SUCLG2: variants seen among roughly 807,000 people sequenced by gnomAD.
SUCLG2 encodes succinate-CoA ligase GDP-forming subunit beta, also known as succinate--CoA ligase [GDP-forming] subunit beta, mitochondrial.
A neutral mutation model predicts 47.9 loss-of-function variants in SUCLG2; 42 were observed. The observed-to-expected ratio is 0.88, with a 90% CI of 0.69 to 1.14. The LOEUF (loss-of-function observed/expected upper bound fraction) is 1.14. SUCLG2 is among the 50% of genes most tolerant of loss of function. SUCLG2 has a pLI of 0.00. For synonymous variants in SUCLG2, 195 were observed against 197.3 expected (o/e 0.99, Z 0.10); for missense variants, 571 against 525.9 (o/e 1.09, Z -0.84).
intron 2 of SUCLG2, among the ~76,000 whole-genome samples, chr3:67,600,704 A>G (rs1009282858): frequency 6.6e-6 from 1 of 152,202 alleles, no homozygotes; most frequent in African/African-American, 2.4e-5. Flanking sequence ...TCTTGCAATT[A>G]CTTTTAGCTG....
intron 2 of SUCLG2, among the ~76,000 whole-genome samples, chr3:67,558,242 C>G (rs1056737106): frequency 6.6e-6 from 1 of 151,298 alleles, no homozygotes; most frequent in Non-Finnish European, 1.5e-5. Context: ...TCCATATGCA[C>G]ATGCAGCTCC....
chr3:67,435,720 C>T (rs1174368898), intron 9 of SUCLG2, among the ~76,000 whole-genome samples: 1 of 152,126 alleles, frequency 6.6e-6, no homozygotes, highest in Non-Finnish European at 1.5e-5. Flanking sequence ...AAGATGGGCC[C>T]TAAATGTAAT....
chr3:67,440,656 T>C (rs973589992), intron 9 of SUCLG2, among the ~76,000 whole-genome samples: 2 of 152,064 alleles, frequency 1.3e-5, no homozygotes, highest in Non-Finnish European at 2.9e-5. Context: ...ATTAGAGAAA[T>C]GCAAATCAAA....
chr3:67,381,998 C>T (rs933230422), intron 10 of SUCLG2, among the ~76,000 whole-genome samples: 2 of 152,116 alleles, frequency 1.3e-5, no homozygotes, highest in African/African-American at 2.4e-5. Flanking sequence ...AAGGTGCAGA[C>T]GCCTCCTGCC....
At position 67,437,703 on chromosome 3, in the gene SUCLG2, G is replaced by T. The variant is rs1703657906; in HGVS notation, c.1063-36852C>A. ...TGGCAGTTTATAAAATATGGATTTAGGTGGGGAGAATTTCATGCATCAGAA... is the reference window on the plus strand; with the variant it reads ...TGGCAGTTTATAAAATATGGATTTATGTGGGGAGAATTTCATGCATCAGAA... On this transcript the variant is annotated intron_variant, in intron 9 of 10. Transcript: ENST00000307227. 2.0e-5 allele frequency among the ~76,000 whole-genome samples: 3 copies of T among 151,778 alleles called. No homozygotes were observed. The South Asian group carries it at 6.3e-4, about 32-fold the overall frequency.
intron 10 of SUCLG2, among the ~76,000 whole-genome samples, chr3:67,382,995 A>G (rs1246651774): frequency 6.6e-6 from 1 of 152,228 alleles, no homozygotes; most frequent in African/African-American, 2.4e-5. Context: ...AAATTTAGAT[A>G]ACTTTTCATG....
chr3:67,593,024 T>C (rs929262489), intron 2 of SUCLG2, among the ~76,000 whole-genome samples: 7 of 152,196 alleles, frequency 4.6e-5, no homozygotes, highest in Admixed American at 1.3e-4. Context: ...ATGACCTTTG[T>C]TAGTGACAAC....
At position 67,463,005 on chromosome 3, in the gene SUCLG2, A is replaced by T. The variant is rs375918901; in HGVS notation, c.1062+32793T>A. On this transcript the variant is annotated intron_variant, in intron 9 of 10. Transcript: ENST00000307227. Reference sequence around the variant, plus strand: ...ACTATTGTGGTGTGAAAATAGAGAAAATACAGTTTGTGTTCTTCCATTCAG... The same window carrying T: ...ACTATTGTGGTGTGAAAATAGAGAATATACAGTTTGTGTTCTTCCATTCAG... Among the ~76,000 whole-genome samples, 8 of 152,326 alleles carry T rather than the reference A, an allele frequency of 5.3e-5. No individual in the cohort carries two copies. The South Asian group carries it at 1.0e-3, about 20-fold the overall frequency.
At chr3:67,538,350 G>C (rs959631836) in intron 2 of SUCLG2, among the ~76,000 whole-genome samples, 1 of 152,100 alleles carries the variant, frequency 6.6e-6, no homozygotes, top group African/African-American at 2.4e-5. Context: ...GTTTGTATTT[G>C]TCAGGTTTGT....
chr3:67,549,480 T>C (rs72927343), intron 2 of SUCLG2, among the ~76,000 whole-genome samples: 8,089 of 152,224 alleles, frequency 0.053, 256 homozygotes, highest in African/African-American at 0.091. Context: ...TTAGAAAATA[T>C]AGACACAAAT....
chr3:67,587,072 C>T (rs575354576), intron 2 of SUCLG2, among the ~76,000 whole-genome samples: 18 of 152,204 alleles, frequency 1.2e-4, no homozygotes, highest in Non-Finnish European at 2.5e-4. Context: ...ACAGTCACCA[C>T]ATCCATTCAT....
rs1271061092 is a variant in SUCLG2 at position 67,654,504 on chromosome 3, T to G, written c.83A>C (p.Gln28Pro). The G allele has an allele frequency of 4.0e-6, 5 of 1,239,510 alleles. No homozygotes were observed. Among genetic ancestry groups the G allele is most frequent in the Non-Finnish European group, 4.0e-6 (4 of 990,506 alleles). The allele number at this position is 1,239,510 out of a possible 1,614,324, so 76.8% of individuals were successfully genotyped here. ...CGCAGCTCCTGCCCCCACGCTCACC[T>G]GGGACCCGGCCGCCAGGAAGCGGGG... ...LRPRFLAAGS[Q>P]AVQLTSRRWL... Residue 28 changes from glutamine (Q) to proline (P), a missense_variant and splice_region_variant, in exon 1 of 11, where the codon CAG becomes CCG. Coordinates refer to ENST00000307227, the MANE Select transcript of SUCLG2 (RefSeq NM_003848.4).
At chr3:67,384,464 C>T (rs1575660266) in intron 10 of SUCLG2, among the ~76,000 whole-genome samples, 1 of 152,308 alleles carries the variant, frequency 6.6e-6, no homozygotes, top group East Asian at 1.9e-4. Flanking sequence ...TTCAACACTA[C>T]AATGGCAGAG....
chr3:67,555,337 A>G (rs759386016), intron 2 of SUCLG2, among the ~76,000 whole-genome samples: 8 of 152,144 alleles, frequency 5.3e-5, no homozygotes, highest in East Asian at 3.8e-4. Context: ...ATGAATGTGT[A>G]TATTTTATAC....
intron 9 of SUCLG2, among the ~76,000 whole-genome samples, chr3:67,484,494 G>A (rs573222847): frequency 6.6e-6 from 1 of 152,226 alleles, no homozygotes; most frequent in Middle Eastern, 3.4e-3. Context: ...CCATTACAGG[G>A]GCTACAGATA....
chr3:67,510,032 G>C (rs1022102990), intron 6 of SUCLG2, among the ~76,000 whole-genome samples: 14 of 152,164 alleles, frequency 9.2e-5, no homozygotes, highest in Admixed American at 7.9e-4. Flanking sequence ...CTCCTCCTCT[G>C]GCTGTTGCTC....
chr3:67,535,759 G>A (rs1370723141), intron 2 of SUCLG2, among the ~76,000 whole-genome samples: 3 of 152,106 alleles, frequency 2.0e-5, no homozygotes, highest in Non-Finnish European at 4.4e-5. Flanking sequence ...GAAAAGGCTG[G>A]AGCCTCTTGC....
At chr3:67,388,330 C>T (rs1702303583) in intron 10 of SUCLG2, among the ~76,000 whole-genome samples, 1 of 152,188 alleles carries the variant, frequency 6.6e-6, no homozygotes, top group Admixed American at 6.5e-5. Flanking sequence ...GAGCTTTGGA[C>T]ATTTCTGGAG....
At chr3:67,547,765 A>G (rs1706907186) in intron 2 of SUCLG2, among the ~76,000 whole-genome samples, 2 of 151,524 alleles carry the variant, frequency 1.3e-5, no homozygotes, top group South Asian at 4.1e-4. Context: ...ACCAAGTCTA[A>G]CAAAGCAGAT....
Sources: gnomAD v4.1 joint callset for allele counts (sites outside exome capture counted in the v4.1 genomes callset) on GRCh38, gnomAD v4.1.1 for gene constraint, MANE v1.5 for transcripts, NCBI Gene and HGNC (gene_info 2026-07-23, HGNC 2026-07-21) for gene names.